Variants in RERE observed in about 807,000 individuals in gnomAD.
RERE encodes the protein arginine-glutamic acid dipeptide repeats protein.
In RERE, 40 loss-of-function variants were observed where a neutral mutation model predicts 146.1. That is an observed-to-expected ratio of 0.27 (90% CI 0.21 to 0.36). The LOEUF is 0.36. Among genes scored for constraint, RERE ranks in the 10% least tolerant of loss-of-function variants. The pLI is 1.00. For synonymous variants in RERE, 1,003 were observed against 866.0 expected, an observed-to-expected ratio of 1.16 and a Z score of -2.78; for missense variants, 1,933 against 2,138.7, an observed-to-expected ratio of 0.90 and a Z score of 1.90.
intron 1 of RERE, among the ~76,000 whole-genome samples, chr1:8,683,630 T>C (rs1019678114): frequency 2.0e-5 from 3 of 152,144 alleles, no homozygotes; most frequent in African/African-American, 7.2e-5. Flanking sequence ...AATATATGCA[T>C]TTATATGACT....
chr1:8,796,033 T>C (rs1641467946), intron 1 of RERE, among the ~76,000 whole-genome samples: 1 of 149,556 alleles, frequency 6.7e-6, no homozygotes, highest in South Asian at 2.1e-4. Flanking sequence ...CATATATAAA[T>C]TATGTTTTAA....
At chr1:8,525,028 T>C (rs953072177) in intron 7 of RERE, among the ~76,000 whole-genome samples, 15 of 152,210 alleles carry the variant, frequency 9.9e-5, no homozygotes, top group African/African-American at 2.9e-4. Context: ...CTTCAATTTC[T>C]AACACAAAAG....
intron 7 of RERE, among the ~76,000 whole-genome samples, chr1:8,514,035 T>A (rs1323716663): frequency 6.6e-6 from 1 of 152,218 alleles, no homozygotes; most frequent in Admixed American, 6.5e-5. Flanking sequence ...TATACAGCAT[T>A]TTTTAAAAAT....
At chr1:8,369,734 GA>G (rs200930132) in intron 12 of RERE, among the ~76,000 whole-genome samples, 4 of 148,174 alleles carry the variant, frequency 2.7e-5, no homozygotes, top group Non-Finnish European at 3.0e-5. Flanking sequence ...TTACCCAAAA[GA>G]AAAAAAAAAT....
intron 1 of RERE, among the ~76,000 whole-genome samples, chr1:8,706,466 A>G (rs1353773748): frequency 6.6e-6 from 1 of 152,232 alleles, no homozygotes; most frequent in Non-Finnish European, 1.5e-5. Context: ...AGTTTATTCA[A>G]GCCAAGTTCT....
intron 4 of RERE, among the ~76,000 whole-genome samples, chr1:8,569,500 A>T (rs1482679004): frequency 1.3e-5 from 2 of 152,212 alleles, no homozygotes; most frequent in African/African-American, 4.8e-5. Context: ...CACATTATTT[A>T]ACATCACATT....
At chr1:8,666,473 C>A (rs540187865) in intron 1 of RERE, among the ~76,000 whole-genome samples, 2 of 152,332 alleles carry the variant, frequency 1.3e-5, no homozygotes, top group African/African-American at 4.8e-5. Context: ...AGCAGAAAAC[C>A]AAACAGGCAC....
At chr1:8,450,357 G>A (rs1340880744) in intron 11 of RERE, among the ~76,000 whole-genome samples, 6 of 151,574 alleles carry the variant, frequency 4.0e-5, no homozygotes, top group African/African-American at 9.7e-5. Flanking sequence ...AACAGCCACC[G>A]AGAAGCACAG....
intron 1 of RERE, among the ~76,000 whole-genome samples, chr1:8,731,905 C>T (rs900891363): frequency 6.6e-6 from 1 of 152,180 alleles, no homozygotes; most frequent in African/African-American, 2.4e-5. Flanking sequence ...TGGTTTCATG[C>T]CATTCTCCTG....
At chr1:8,639,514 T>C (rs1242353864) in intron 2 of RERE, among the ~76,000 whole-genome samples, 2 of 152,198 alleles carry the variant, frequency 1.3e-5, no homozygotes, top group African/African-American at 4.8e-5. Flanking sequence ...GTCCAGAGAA[T>C]AAACTGGAAA....
chr1:8,805,802 G>A (rs978860017), intron 1 of RERE: 1 of 150,692 alleles, frequency 6.6e-6, no homozygotes, highest in Non-Finnish European at 1.5e-5. Flanking sequence ...ACTCCAGCTT[G>A]GGCAACAGGA....
At chr1:8,591,435 A>C (rs1037464860) in intron 4 of RERE, among the ~76,000 whole-genome samples, 9 of 151,906 alleles carry the variant, frequency 5.9e-5, no homozygotes, top group African/African-American at 2.2e-4. Context: ...CTTTAAAAAA[A>C]AAAAAAAGAA....
intron 1 of RERE, among the ~76,000 whole-genome samples, chr1:8,666,936 T>C (rs1235818764): frequency 6.6e-6 from 1 of 152,210 alleles, no homozygotes; most frequent in African/African-American, 2.4e-5. Flanking sequence ...ATATACTCAT[T>C]CTCAGAATAT....
chr1:8,466,975 T>C (rs74925504), intron 10 of RERE, among the ~76,000 whole-genome samples: 18 of 152,330 alleles, frequency 1.2e-4, no homozygotes, highest in Non-Finnish European at 2.2e-4. Flanking sequence ...AGAATTCTCA[T>C]TGGAAATCCA....
chr1:8,469,281 G>T (rs553161317), intron 10 of RERE, among the ~76,000 whole-genome samples: 13 of 152,186 alleles, frequency 8.5e-5, no homozygotes, highest in Admixed American at 7.9e-4. Context: ...TGTTAAATGA[G>T]ATTTGATTAA....
At chr1:8,570,954 A>C (rs2124450958) in intron 4 of RERE, among the ~76,000 whole-genome samples, 1 of 152,372 alleles carries the variant, frequency 6.6e-6, no homozygotes, top group East Asian at 1.9e-4. Flanking sequence ...GAAAAATCTA[A>C]ATAGGAAGCT....
chr1:8,702,668 G>C (rs1035326170), intron 1 of RERE, among the ~76,000 whole-genome samples: 7 of 152,078 alleles, frequency 4.6e-5, no homozygotes, highest in Non-Finnish European at 8.8e-5. Flanking sequence ...TCTGATCAAA[G>C]AGCGACTTCT....
At chr1:8,579,742 G>C (rs1055805161) in intron 4 of RERE, among the ~76,000 whole-genome samples, 1 of 152,218 alleles carries the variant, frequency 6.6e-6, no homozygotes, top group Non-Finnish European at 1.5e-5. Context: ...AGTGGCTCAC[G>C]CCTGTAATCC....
intron 8 of RERE, among the ~76,000 whole-genome samples, chr1:8,500,608 T>C (rs1369185522): frequency 6.6e-6 from 1 of 152,118 alleles, no homozygotes; most frequent in East Asian, 1.9e-4. Context: ...AGTGCCGAGA[T>C]TGCAGCCTCT....
Sources: allele counts gnomAD v4.1 joint callset (sites outside exome capture counted in the v4.1 genomes callset), GRCh38; gene constraint gnomAD v4.1.1; transcripts MANE v1.5; gene names NCBI Gene and HGNC (gene_info 2026-07-23, HGNC 2026-07-21).